Variants in ALPK2 observed in about 807,000 individuals in gnomAD.
ALPK2 encodes alpha kinase 2.
ALPK2 carries 127 observed loss-of-function variants against 163.1 expected under a neutral mutation model. That is an observed-to-expected ratio of 0.78 (90% CI 0.67 to 0.90). ALPK2 has a LOEUF of 0.90. Among genes scored for constraint, ALPK2 ranks in the 40% least tolerant of loss-of-function variants. ALPK2 has a pLI of 0.00. For missense variants in ALPK2, 2,360 were observed against 2,589.6 expected (o/e 0.91, Z 1.92); for synonymous variants, 953 against 959.1 (o/e 0.99, Z 0.12).
At chr18:58,523,698 C>T (rs1602200059) in intron 8 of ALPK2, 108 bp downstream of exon 8, 13 of 1,391,612 alleles carry the variant, frequency 9.3e-6, no homozygotes, top group East Asian at 6.9e-5. Flanking sequence ...CTCTCCTTCT[C>T]GGTTGGAAGA....
At chr18:58,538,676 T>A (rs764867009) in intron 4 of ALPK2, 2 of 162,302 alleles carry the variant, frequency 1.2e-5, no homozygotes, top group Non-Finnish European at 2.7e-5. Context: ...TATAACAGCT[T>A]GCTGGTTAAT....
intron 12 of ALPK2, among the ~76,000 whole-genome samples, chr18:58,487,647 A>G (rs1568063569): frequency 6.6e-6 from 1 of 152,100 alleles, no homozygotes; most frequent in Non-Finnish European, 1.5e-5. Flanking sequence ...AATTAGTATA[A>G]TTTTTTAGCC....
intron 12 of ALPK2, among the ~76,000 whole-genome samples, chr18:58,497,181 A>G (rs2051405095): frequency 6.6e-6 from 1 of 152,366 alleles, no homozygotes; most frequent in Middle Eastern, 3.4e-3. Context: ...TTCAATGGCA[A>G]CTATCTCCTG....
chr18:58,564,676 C>T (rs111521599), intron 4 of ALPK2, among the ~76,000 whole-genome samples: 3,006 of 152,022 alleles, frequency 0.02, 43 homozygotes, highest in Non-Finnish European at 0.031. Flanking sequence ...TTCACAGGAC[C>T]TCACTGCCTC....
At chr18:58,514,946 C>T (rs1409263817) in intron 10 of ALPK2, 47 bp downstream of exon 10, 1 of 1,482,666 alleles carries the variant, frequency 6.7e-7, no homozygotes, top group Admixed American at 1.8e-5. Flanking sequence ...CCCTCCTAGT[C>T]CCCAACGAGT....
chr18:58,554,221 G>A (rs535235729), intron 4 of ALPK2, among the ~76,000 whole-genome samples: 5 of 152,310 alleles, frequency 3.3e-5, no homozygotes, highest in African/African-American at 9.6e-5. Flanking sequence ...CTCAGCTATC[G>A]TCTTTGGGGC....
intron 1 of ALPK2, among the ~76,000 whole-genome samples, chr18:58,620,873 A>T (rs2052194952): frequency 6.6e-6 from 1 of 152,126 alleles, no homozygotes; most frequent in Non-Finnish European, 1.5e-5. Context: ...AGAACGAGAC[A>T]GGCCCGGCAC....
chr18:58,491,869 G>T (rs572890963), intron 12 of ALPK2, among the ~76,000 whole-genome samples: 1 of 152,252 alleles, frequency 6.6e-6, no homozygotes, highest in Non-Finnish European at 1.5e-5. Flanking sequence ...GGAGAAGCGC[G>T]TCAGCATTCC....
intron 4 of ALPK2, among the ~76,000 whole-genome samples, chr18:58,567,255 G>A (rs930724512): frequency 6.6e-6 from 1 of 151,708 alleles, no homozygotes; most frequent in African/African-American, 2.4e-5. Flanking sequence ...GTGATGGCAG[G>A]CCCCTGAGGT....
chr18:58,574,876 G>A (rs1032215367), intron 4 of ALPK2, among the ~76,000 whole-genome samples: 1 of 152,132 alleles, frequency 6.6e-6, no homozygotes, highest in Admixed American at 6.6e-5. Context: ...ATGTGCTCAG[G>A]AAAATAAAGG....
chr18:58,537,403 G>T lies in ALPK2; in HGVS notation c.2784C>A (p.Gly928=). The change falls in exon 5 of 13, where the codon GGC becomes GGA. Residue 928 remains glycine (G), a synonymous_variant. Transcript: ENST00000361673. ...AGTTGCTGGGGCTTGGCTGCTCCTG[G>T]CCAGCATGTACTGTGGAGGCCAGTG... is the stretch of plus-strand genomic sequence containing the variant. The part of the protein sequence containing the change: ...TYPLASTVHA[G]QEQPSPSNSG... 6.2e-7 allele frequency: 1 copy of T among 1,613,688 alleles called. No homozygotes were observed. The highest frequency in any genetic ancestry group is 8.5e-7 in the Non-Finnish European group (1 of 1,179,724).
intron 6 of ALPK2, among the ~76,000 whole-genome samples, chr18:58,526,703 C>A (rs1226126217): frequency 6.6e-6 from 1 of 152,174 alleles, no homozygotes; most frequent in Non-Finnish European, 1.5e-5. Flanking sequence ...ACCAAGCTAC[C>A]ACTTTCTTCT....
intron 4 of ALPK2, among the ~76,000 whole-genome samples, chr18:58,567,517 G>A (rs1602222055): frequency 6.6e-6 from 1 of 152,030 alleles, no homozygotes; most frequent in African/African-American, 2.4e-5. Flanking sequence ...ACTGCCCTGG[G>A]GACTCCAAGC....
chr18:58,523,220 A>G (rs2051564839), intron 8 of ALPK2, among the ~76,000 whole-genome samples: 1 of 151,684 alleles, frequency 6.6e-6, no homozygotes, highest in South Asian at 2.1e-4. Flanking sequence ...AATTTCATCC[A>G]TGTCCCTAAC....
chr18:58,549,847 G>A (rs992072752), intron 4 of ALPK2, among the ~76,000 whole-genome samples: 1 of 152,168 alleles, frequency 6.6e-6, no homozygotes, highest in African/African-American at 2.4e-5. Flanking sequence ...GTGGAAGGGT[G>A]GCTAGTTCCT....
intron 2 of ALPK2, among the ~76,000 whole-genome samples, chr18:58,608,671 G>A (rs553762508): frequency 1.2e-4 from 19 of 152,312 alleles, no homozygotes; most frequent in Admixed American, 9.8e-4. Context: ...GTTCTGGCCA[G>A]GCATGGTGGT....
intron 10 of ALPK2, among the ~76,000 whole-genome samples, chr18:58,508,037 C>T (rs2051470305): frequency 6.6e-6 from 1 of 152,114 alleles, no homozygotes; most frequent in African/African-American, 2.4e-5. Flanking sequence ...TTTTCAGACC[C>T]TGTATTCTGA....
intron 3 of ALPK2, among the ~76,000 whole-genome samples, chr18:58,601,882 T>C (rs902776379): frequency 6.6e-6 from 1 of 152,198 alleles, no homozygotes; most frequent in South Asian, 2.1e-4. Flanking sequence ...TTGCTCAACC[T>C]TGGTGCTCCA....
intron 4 of ALPK2, among the ~76,000 whole-genome samples, chr18:58,553,822 G>A (rs1167122094): frequency 7.3e-6 from 1 of 137,710 alleles, no homozygotes; most frequent in Non-Finnish European, 1.5e-5. Flanking sequence ...AAATTACCCA[G>A]TCTCGAGCAG....
Sources: allele counts gnomAD v4.1 joint callset (sites outside exome capture counted in the v4.1 genomes callset), GRCh38; gene constraint gnomAD v4.1.1; transcripts MANE v1.5; gene names NCBI Gene and HGNC (gene_info 2026-07-23, HGNC 2026-07-21).